The following TMTC1 variants were observed in gnomAD, a reference collection of about 807,000 sequenced individuals.
TMTC1 encodes the protein transmembrane O-mannosyltransferase targeting cadherins 1.
In TMTC1, 73 loss-of-function variants were observed where a neutral mutation model predicts 104.8. The observed-to-expected ratio is 0.70, with a 90% CI of 0.58 to 0.85. The LOEUF (loss-of-function observed/expected upper bound fraction) is 0.85, where lower values mean the gene tolerates loss of function less well. Among genes scored for constraint, TMTC1 ranks in the 40% least tolerant of loss-of-function variants. TMTC1 has a pLI of 0.00. For synonymous variants in TMTC1, 434 were observed against 428.7 expected, an observed-to-expected ratio of 1.01 and a Z score of -0.15; for missense variants, 1,035 against 1,096.1, an observed-to-expected ratio of 0.94 and a Z score of 0.79.
chr12:29,645,037 C>CAG (rs1355972334), intron 5 of TMTC1, among the ~76,000 whole-genome samples: 7 of 152,298 alleles, frequency 4.6e-5, no homozygotes, highest in Middle Eastern at 3.4e-3. Context: ...CTCACTAAAA[C>CAG]AGAAGCTCCT....
rs190912476 is a variant in TMTC1 at position 29,769,009 on chromosome 12, T to C, written c.303-934A>G. ...CTAAGTGGTGCTGCCTACAGTTGTC[T>C]GTATTCTAGTCAATTTTACCAAAAC... On this transcript the variant is annotated intron_variant, in intron 1 of 17. Coordinates refer to ENST00000539277, the MANE Select transcript of TMTC1 (RefSeq NM_001193451.2). Among the ~76,000 whole-genome samples the C allele has an allele frequency of 2.9e-3, 447 of 152,310 alleles. 4 individuals are homozygous for C. Among genetic ancestry groups the C allele is most frequent in the South Asian group, 0.014 (66 of 4,828 alleles).
intron 6 of TMTC1, among the ~76,000 whole-genome samples, chr12:29,612,408 TA>T (rs200022208): frequency 3.3e-5 from 5 of 151,762 alleles, no homozygotes; most frequent in African/African-American, 9.7e-5. Flanking sequence ...TTCATCTTTT[TA>T]AAAAAAAATT....
At chr12:29,564,705 T>G (rs985212601) in intron 9 of TMTC1, among the ~76,000 whole-genome samples, 1 of 152,136 alleles carries the variant, frequency 6.6e-6, no homozygotes, top group Non-Finnish European at 1.5e-5. Context: ...TGGGAAATTT[T>G]GACACTTAAA....
At chr12:29,632,570 T>C (rs1325862853) in intron 6 of TMTC1, among the ~76,000 whole-genome samples, 1 of 152,160 alleles carries the variant, frequency 6.6e-6, no homozygotes, top group Non-Finnish European at 1.5e-5. Context: ...GCCCTGATTG[T>C]AAGTTTCCTA....
At position 29,578,106 on chromosome 12, in the gene TMTC1, T is replaced by C. The variant is rs553210026; in HGVS notation, c.1418+5301A>G. 1.9e-4 allele frequency among the ~76,000 whole-genome samples: 29 copies of C among 152,150 alleles called. No homozygotes were observed. In the South Asian group the frequency reaches 3.3e-3, roughly 17 times the overall value. On this transcript the variant is annotated intron_variant, in intron 8 of 17. Transcript: ENST00000539277. Reference sequence around the variant, plus strand: ...TCTAATTTATGTCCCACCCAAGGAATAGACAATTGGGTCTGTGGAAACATG... The same window carrying C: ...TCTAATTTATGTCCCACCCAAGGAACAGACAATTGGGTCTGTGGAAACATG...
At chr12:29,776,887 C>G (rs191809285) in intron 1 of TMTC1, among the ~76,000 whole-genome samples, 35 of 152,276 alleles carry the variant, frequency 2.3e-4, no homozygotes, top group Non-Finnish European at 4.9e-4. Context: ...CATGCAAGGC[C>G]TTTGGTAGCA....
In TMTC1 at chr12:29,643,781, TTA is replaced by T. The variant is rs1491311775; in HGVS notation, c.939-10447_939-10446del. Among the ~76,000 whole-genome samples, 171 of 31,852 alleles carry T rather than the reference TTA, an allele frequency of 5.4e-3. 4 individuals are homozygous for T. Among genetic ancestry groups the T allele is most frequent in the African/African-American group, 0.019 (156 of 8,182 alleles). 20.9% of individuals were successfully genotyped at this position (31,852 alleles called of 152,430 possible). ...TTATAATACACATATATTTATATAT[TTA>T]TATATATTTATATACATATTTATAT... On this transcript the variant is annotated intron_variant, in intron 5 of 17. Coordinates refer to ENST00000539277, the MANE Select transcript of TMTC1 (RefSeq NM_001193451.2).
chr12:29,528,143 T>C lies in TMTC1; in HGVS notation c.1786-7423A>G, dbSNP rs181799078. Among the ~76,000 whole-genome samples the C allele has an allele frequency of 3.7e-4, 57 of 152,348 alleles. 1 individual carries two copies. The highest frequency in any genetic ancestry group is 1.9e-3 in the Admixed American group (29 of 15,294). On this transcript the variant is annotated intron_variant, in intron 11 of 17. Coordinates refer to ENST00000539277, the MANE Select transcript of TMTC1 (RefSeq NM_001193451.2). ...GGAAGGGTAATGCATTTATCTTAAA[T>C]AACACTATTATTTAATCTCTGAAGC...
intron 1 of TMTC1, among the ~76,000 whole-genome samples, chr12:29,771,756 T>C (rs61748297): frequency 0.014 from 2,056 of 152,182 alleles, 46 homozygotes; most frequent in African/African-American, 0.047. Flanking sequence ...ACAGAGCACC[T>C]TCACAGGAGA....
chr12:29,617,534 A>AGAGAG (rs1565713063), intron 6 of TMTC1, among the ~76,000 whole-genome samples: 1 of 141,840 alleles, frequency 7.1e-6, no homozygotes, highest in East Asian at 2.0e-4. Flanking sequence ...CAAAACAGAC[A>AGAGAG]ACAGAGAGAG....
intron 6 of TMTC1, 128 bp downstream of exon 6, chr12:29,633,019 C>T: frequency 1.2e-6 from 1 of 826,478 alleles, no homozygotes; most frequent in Non-Finnish European, 1.8e-6. Flanking sequence ...TTACCCGCTA[C>T]AAAAAATTTA....
chr12:29,759,287 C>T (rs946919190), intron 2 of TMTC1, among the ~76,000 whole-genome samples: 29 of 152,062 alleles, frequency 1.9e-4, no homozygotes, highest in African/African-American at 7.0e-4. Context: ...CTTGAGTTAA[C>T]GAGTTCAAGA....
chr12:29,579,912 T>C (rs1945929307), intron 8 of TMTC1, among the ~76,000 whole-genome samples: 1 of 152,214 alleles, frequency 6.6e-6, no homozygotes, highest in Non-Finnish European at 1.5e-5. Flanking sequence ...ACCTTTTGAT[T>C]TTTATACCAG....
At chr12:29,660,789 T>A in intron 5 of TMTC1, 1 of 957,036 alleles carries the variant, frequency 1.0e-6, no homozygotes, top group Non-Finnish European at 1.4e-6. Flanking sequence ...TATATATATA[T>A]ATATATATAC....
chr12:29,584,146 G>T (rs1365022692), intron 7 of TMTC1, among the ~76,000 whole-genome samples: 1 of 152,158 alleles, frequency 6.6e-6, no homozygotes, highest in African/African-American at 2.4e-5. Flanking sequence ...CTCACAACTT[G>T]GAGCTCATCA....
intron 6 of TMTC1, among the ~76,000 whole-genome samples, chr12:29,626,601 T>C (rs1938006079): frequency 6.6e-6 from 1 of 152,134 alleles, no homozygotes; most frequent in South Asian, 2.1e-4. Flanking sequence ...TGCAAAAGAA[T>C]GAAGTTGGAT....
intron 1 of TMTC1, among the ~76,000 whole-genome samples, chr12:29,779,655 A>G (rs1263252764): frequency 6.6e-6 from 1 of 152,250 alleles, no homozygotes; most frequent in Non-Finnish European, 1.5e-5. Context: ...GATACATTCA[A>G]TGAATCAAAA....
chr12:29,545,676 C>CA (rs1555167547), intron 10 of TMTC1, among the ~76,000 whole-genome samples: 4 of 137,846 alleles, frequency 2.9e-5, no homozygotes, highest in African/African-American at 1.1e-4. Context: ...CACACACACA[C>CA]GGATAGAAAC....
intron 9 of TMTC1, chr12:29,569,111 C>T (rs956736888): frequency 1.5e-5 from 6 of 403,584 alleles, no homozygotes; most frequent in Admixed American, 2.6e-5. Context: ...AAACTGAATA[C>T]GTGACCTTAG....
Sources: gnomAD v4.1 joint callset for allele counts (sites outside exome capture counted in the v4.1 genomes callset) on GRCh38, gnomAD v4.1.1 for gene constraint, MANE v1.5 for transcripts, NCBI Gene and HGNC (gene_info 2026-07-23, HGNC 2026-07-21) for gene names.